USP26: variants seen among roughly 807,000 people sequenced by gnomAD.
USP26 encodes the protein ubiquitin specific peptidase 26, also known as ubiquitin carboxyl-terminal hydrolase 26.
For synonymous variants in USP26, 236 were observed against 240.6 expected (o/e 0.98, Z 0.18); for missense variants, 649 against 642.3 (o/e 1.01, Z -0.11).
chrX:133,088,127 G>A (rs1406344010), intron 4 of USP26, among the ~76,000 whole-genome samples: 2 of 111,575 alleles, frequency 1.8e-5, no homozygotes, highest in Non-Finnish European at 3.8e-5. Context: ...CCATGATCAT[G>A]CCACTGCACT....
At chrX:133,049,934 G>A (rs1431721776) in intron 5 of USP26, among the ~76,000 whole-genome samples, 3 of 112,302 alleles carry the variant, frequency 2.7e-5, no homozygotes, top group East Asian at 5.6e-4. Context: ...CAGATTATGT[G>A]TGCATATACT....
chrX:133,052,894 T>C lies in USP26; in HGVS notation c.-76-24598A>G. ...AGGGGGGTGAGAGGACTGGTAGCTG[T>C]CTCCTATTGCCACATGGAAAAGGCA... On this transcript the variant is annotated intron_variant, in intron 5 of 5. Coordinates refer to ENST00000511190, the MANE Select transcript of USP26 (RefSeq NM_031907.3). Among the ~76,000 whole-genome samples the C allele has an allele frequency of 1.8e-5, 2 of 110,891 alleles. 1 individual carries two copies. Among genetic ancestry groups the C allele is most frequent in the South Asian group, 7.8e-4 (2 of 2,557 alleles).
At chrX:133,044,735 C>A (rs1023928346) in intron 5 of USP26, among the ~76,000 whole-genome samples, 23 of 113,275 alleles carry the variant, frequency 2.0e-4, no homozygotes, top group African/African-American at 5.8e-4. Flanking sequence ...TGCCTGGTCC[C>A]ATCGACCACC....
At position 133,025,481 on chromosome X, in the gene USP26, A is replaced by C; in HGVS notation, c.2740T>G (p.Ter914GluextTer32). 8.3e-7 allele frequency: 1 copy of C among 1,210,973 alleles called. No individual in the cohort carries two copies. Among genetic ancestry groups the C allele is most frequent in the South Asian group, 1.8e-5 (1 of 56,958 alleles). The change falls in exon 6 of 6, where the codon TAA (stop) becomes GAA (glutamate). Residue 914 changes from the stop codon to glutamate (E), a stop_lost. Transcript: ENST00000511190. Reference sequence around the variant, plus strand: ...GTACAAGGAGGAGTACGTTCCTCTTATTCCTTCTGAAGGGTCTCCTCTACC... The same window carrying C: ...GTACAAGGAGGAGTACGTTCCTCTTCTTCCTTCTGAAGGGTCTCCTCTACC... ...KEVEETLQKE[*>E]
At chrX:133,046,278 A>G (rs1021491053) in intron 5 of USP26, among the ~76,000 whole-genome samples, 6 of 112,065 alleles carry the variant, frequency 5.4e-5, no homozygotes, top group African/African-American at 1.9e-4. Context: ...ACTGTAACAT[A>G]CACCTAGCAA....
At chrX:133,061,222 TG>T (rs2067493261) in intron 5 of USP26, among the ~76,000 whole-genome samples, 1 of 112,528 alleles carries the variant, frequency 8.9e-6, no homozygotes, top group East Asian at 2.8e-4. Context: ...TTGAAGTTAA[TG>T]ATTTCTCAAG....
At chrX:133,083,033 A>G (rs1241122940) in intron 5 of USP26, among the ~76,000 whole-genome samples, 1 of 111,591 alleles carries the variant, frequency 9.0e-6, no homozygotes, top group Non-Finnish European at 1.9e-5. Flanking sequence ...CTCTGGGTAT[A>G]TATATAATGA....
At chrX:133,041,287 T>C (rs957337374) in intron 5 of USP26, among the ~76,000 whole-genome samples, 4 of 111,486 alleles carry the variant, frequency 3.6e-5, no homozygotes, top group Middle Eastern at 9.1e-3. Flanking sequence ...GTTTTTGGAA[T>C]TTTCAGGGTT....
chrX:133,032,198 C>CCAAA (rs755097277), intron 5 of USP26, among the ~76,000 whole-genome samples: 4 of 108,844 alleles, frequency 3.7e-5, no homozygotes, highest in Admixed American at 9.8e-5. Flanking sequence ...AACCAACCAA[C>CCAAA]CAAACAAACA....
chrX:133,077,820 G>A (rs888868089), intron 5 of USP26, among the ~76,000 whole-genome samples: 1 of 111,808 alleles, frequency 8.9e-6, no homozygotes, highest in Non-Finnish European at 1.9e-5. Context: ...GGTGGCTTAC[G>A]CCTGTAACCC....
chrX:133,054,896 A>G (rs1187820535), intron 5 of USP26, among the ~76,000 whole-genome samples: 2 of 112,293 alleles, frequency 1.8e-5, no homozygotes, highest in Non-Finnish European at 3.8e-5. Context: ...GTAAAATTAC[A>G]TGTACTATTT....
chrX:133,075,182 C>T (rs1361181044), intron 5 of USP26, among the ~76,000 whole-genome samples: 2 of 111,728 alleles, frequency 1.8e-5, no homozygotes, highest in Non-Finnish European at 3.8e-5. Flanking sequence ...AAAGCTAGAA[C>T]AAGTTGCACC....
At chrX:133,047,722 A>T (rs2067445581) in intron 5 of USP26, among the ~76,000 whole-genome samples, 1 of 111,447 alleles carries the variant, frequency 9.0e-6, no homozygotes, top group African/African-American at 3.3e-5. Context: ...GACTGGAATT[A>T]GTGCCCTTAT....
intron 5 of USP26, among the ~76,000 whole-genome samples, chrX:133,039,773 C>G (rs2067411019): frequency 9.0e-6 from 1 of 111,449 alleles, no homozygotes; most frequent in Admixed American, 9.6e-5. Flanking sequence ...ATTGATCCGT[C>G]TAATATCGAC....
chrX:133,073,337 A>G (rs1025604848), intron 5 of USP26, among the ~76,000 whole-genome samples: 1 of 548 alleles, frequency 1.8e-3, no homozygotes, highest in Non-Finnish European at 4.9e-3. Context: ...TCATGGGACT[A>G]AAAAAAAAAA....
At chrX:133,050,887 A>T (rs1289286865) in intron 5 of USP26, among the ~76,000 whole-genome samples, 1 of 112,318 alleles carries the variant, frequency 8.9e-6, no homozygotes, top group Non-Finnish European at 1.9e-5. Flanking sequence ...GAATGCTTGA[A>T]TATGACTAAT....
At position 133,028,222 on chromosome X, in the gene USP26, TTTTCTTTACAAATAAAATATAC is replaced by T; in HGVS notation, c.-24_-3del. ...ACCACGTAGGAATAGGGCAGCCATGTTTTCTTTACAAATAAAATATACGTATCTCCGATTATTGATAATCTTG... is the reference window on the plus strand; with the variant it reads ...ACCACGTAGGAATAGGGCAGCCATGTGTATCTCCGATTATTGATAATCTTG... On this transcript the variant is annotated 5_prime_UTR_variant, in exon 6 of 6. Transcript: ENST00000511190. 1 of 1,210,190 alleles carries T rather than the reference TTTTCTTTACAAATAAAATATAC, an allele frequency of 8.3e-7. No homozygotes were observed. Among genetic ancestry groups the T allele is most frequent in the South Asian group, 1.8e-5 (1 of 56,925 alleles).
chrX:133,064,492 C>A (rs965134767), intron 5 of USP26, among the ~76,000 whole-genome samples: 1 of 111,865 alleles, frequency 8.9e-6, no homozygotes, highest in Non-Finnish European at 1.9e-5. Context: ...AAACACTCCA[C>A]AACAAATGCA....
intron 5 of USP26, among the ~76,000 whole-genome samples, chrX:133,066,125 T>C (rs139861945): frequency 4.2e-3 from 468 of 111,256 alleles, no homozygotes; most frequent in African/African-American, 0.015. Flanking sequence ...CCATTCACAA[T>C]TGCTACAAAG....
Sources: allele counts gnomAD v4.1 joint callset (sites outside exome capture counted in the v4.1 genomes callset), GRCh38; gene constraint gnomAD v4.1.1; transcripts MANE v1.5; gene names NCBI Gene and HGNC (gene_info 2026-07-23, HGNC 2026-07-21).